The following MYNN variants were observed in gnomAD, a reference collection of about 807,000 sequenced individuals.
The protein encoded by MYNN is myoneurin, also known as zinc finger and BTB domain-containing protein 31.
MYNN carries 22 observed loss-of-function variants against 57.2 expected under a neutral mutation model. The observed-to-expected ratio is 0.38, with a 90% confidence interval of 0.27 to 0.55. MYNN has a LOEUF of 0.55. Among genes scored for constraint, MYNN ranks in the 20% least tolerant of loss-of-function variants. The pLI, the probability that MYNN is intolerant of heterozygous loss-of-function variation, is 0.71. For synonymous variants in MYNN, 241 were observed against 257.1 expected, an observed-to-expected ratio of 0.94 and a Z score of 0.60; for missense variants, 566 against 723.1, an observed-to-expected ratio of 0.78 and a Z score of 2.49.
At chr3:169,780,857 C>T (rs1358748381) in intron 4 of MYNN, 108 bp downstream of exon 4, 1 of 987,770 alleles carries the variant, frequency 1.0e-6, no homozygotes, top group African/African-American at 1.7e-5. Flanking sequence ...ATTGTGGTTC[C>T]ACCAAACAAT....
intron 7 of MYNN, among the ~76,000 whole-genome samples, chr3:169,785,070 AG>A (rs71300477): frequency 0.063 from 6,331 of 100,634 alleles, 253 homozygotes; most frequent in African/African-American, 0.14. Flanking sequence ...ATGAAAAAAA[AG>A]GGGGGGGGGG....
At chr3:169,784,589 T>C in intron 6 of MYNN, 33 bp from the exon 7 acceptor site, 1 of 1,377,116 alleles carries the variant, frequency 7.3e-7, no homozygotes, top group East Asian at 2.4e-5. Flanking sequence ...GCTTTTAAAA[T>C]ATTGAAATTT....
At chr3:169,775,939 G>C (rs1778326910) in intron 2 of MYNN, among the ~76,000 whole-genome samples, 2 of 152,002 alleles carry the variant, frequency 1.3e-5, no homozygotes, top group East Asian at 1.9e-4. Context: ...AGTATCCAGT[G>C]GGGGGAGGGG....
intron 2 of MYNN, among the ~76,000 whole-genome samples, chr3:169,776,694 ATTTTTTTTTTT>A (rs10681957): frequency 1.9e-5 from 2 of 105,628 alleles, no homozygotes; most frequent in Non-Finnish European, 3.6e-5. Context: ...TGTTGAACAA[ATTTTTTTTTTT>A]TTTTTTTTTT....
At chr3:169,773,662 G>A (rs1008460437) in intron 1 of MYNN, among the ~76,000 whole-genome samples, 200 bp downstream of exon 1, 1 of 152,240 alleles carries the variant, frequency 6.6e-6, no homozygotes, top group Non-Finnish European at 1.5e-5. Context: ...CAGGGCGGCA[G>A]AAGCCGAGGA....
intron 4 of MYNN, among the ~76,000 whole-genome samples, chr3:169,781,118 AAGT>A (rs1399739532): frequency 5.4e-5 from 8 of 147,910 alleles, no homozygotes; most frequent in Non-Finnish European, 1.0e-4. Flanking sequence ...TGAAAGAAAT[AAGT>A]AGTAGTAGAT....
intron 2 of MYNN, among the ~76,000 whole-genome samples, chr3:169,776,728 G>C (rs1395771808): frequency 8.5e-6 from 1 of 116,992 alleles, no homozygotes; most frequent in Non-Finnish European, 1.7e-5. Flanking sequence ...TTTTGAGATG[G>C]AGTCTCACTC....
chr3:169,776,201 G>A (rs1778336627), intron 2 of MYNN, among the ~76,000 whole-genome samples: 1 of 152,220 alleles, frequency 6.6e-6, no homozygotes, highest in Non-Finnish European at 1.5e-5. Context: ...ACAGCCAGGT[G>A]TTTTGTTCAG....
At chr3:169,775,585 A>G (rs1416584457) in intron 2 of MYNN, among the ~76,000 whole-genome samples, 1 of 152,180 alleles carries the variant, frequency 6.6e-6, no homozygotes, top group East Asian at 1.9e-4. Context: ...TTGAGGCTAA[A>G]TAAGGTTTTA....
At chr3:169,778,291 T>A (rs1347293186) in intron 2 of MYNN, 1 of 154,830 alleles carries the variant, frequency 6.5e-6, no homozygotes, top group African/African-American at 2.4e-5. Flanking sequence ...GATTCCCGGG[T>A]GATTCACATG....
At position 169,788,891 on chromosome 3, in the gene MYNN, T is replaced by A. The variant is rs532731282; in HGVS notation, c.*2213T>A. ...TATTATTTATCATAATATGCATATATTTAGTTGTATCTGGTATCATTCTAA... is the reference window on the plus strand; with the variant it reads ...TATTATTTATCATAATATGCATATAATTAGTTGTATCTGGTATCATTCTAA... On this transcript the variant is annotated 3_prime_UTR_variant, in exon 8 of 8. Coordinates refer to ENST00000349841, the MANE Select transcript of MYNN (RefSeq NM_018657.5). 1.3e-5 allele frequency: 2 copies of A among 152,168 alleles called. No homozygotes were observed. Among genetic ancestry groups the A allele is most frequent in the African/African-American group, 4.8e-5 (2 of 41,454 alleles). The allele number at this position is 152,168 out of a possible 1,614,324, so 9.4% of individuals were successfully genotyped here. A position where few individuals can be genotyped will look rare whatever the true frequency, so the allele number is the denominator to read the frequency against.
At chr3:169,773,934 TA>T in intron 1 of MYNN, 1 of 214,050 alleles carries the variant, frequency 4.7e-6, no homozygotes, top group Non-Finnish European at 9.5e-6. Flanking sequence ...CTTAGTGGTT[TA>T]AAAAATTTTT....
chr3:169,789,138 G>T lies in MYNN; in HGVS notation c.*2460G>T, dbSNP rs1453624313. 2.0e-5 allele frequency: 3 copies of T among 152,078 alleles called. No individual in the cohort carries two copies. Among genetic ancestry groups the T allele is most frequent in the African/African-American group, 4.8e-5 (2 of 41,428 alleles). The allele number at this position is 152,078 out of a possible 1,614,324, so 9.4% of individuals were successfully genotyped here. A position where few individuals can be genotyped will look rare whatever the true frequency, so the allele number is the denominator to read the frequency against. ...TGTTAGATTTTAGACTATTTTAAAA[G>T]AAACCGTAGATTATATAAAAATTTT... On this transcript the variant is annotated 3_prime_UTR_variant, in exon 8 of 8. Coordinates refer to ENST00000349841, the MANE Select transcript of MYNN (RefSeq NM_018657.5).
chr3:169,786,295 C>A, intron 7 of MYNN, 121 bp from the exon 8 acceptor site: 2 of 929,340 alleles, frequency 2.2e-6, no homozygotes, highest in Non-Finnish European at 3.2e-6. Context: ...AAAGAGAAAC[C>A]GCTTGAGTAA....
intron 2 of MYNN, 43 bp downstream of exon 2, chr3:169,774,604 A>C (rs1778273309): frequency 6.5e-7 from 1 of 1,536,622 alleles, no homozygotes; most frequent in Non-Finnish European, 8.9e-7. Context: ...GCTAGTCAGT[A>C]GTCTTCACAG....
Position 169,787,684 on chromosome 3 carries a change from A to G in MYNN, c.*1006A>G, listed in dbSNP as rs1004643001. The G allele has an allele frequency of 3.9e-5, 6 of 152,142 alleles. No homozygotes were observed. The South Asian group carries it at 1.2e-3, about 31-fold the overall frequency. 9.4% of individuals were successfully genotyped at this position (152,142 alleles called of 1,614,324 possible). On this transcript the variant is annotated 3_prime_UTR_variant, in exon 8 of 8. Transcript: ENST00000349841. ...ATTTTGAGTTACCAGAAAGCCAACT[A>G]TAGTTAAATATTTTATATCTGAGTT...
rs781641369 is a variant in MYNN, at chr3:169,774,574, T to C, written c.266+13T>C. ...TAAATCTTGACAGGTAAAGTACACATTTTATTTTCAGTTATAAAAGCTAGT... is the reference window on the plus strand; with the variant it reads ...TAAATCTTGACAGGTAAAGTACACACTTTATTTTCAGTTATAAAAGCTAGT... On this transcript the variant is annotated intron_variant, in intron 2 of 7. Coordinates refer to ENST00000349841, the MANE Select transcript of MYNN (RefSeq NM_018657.5). 6.3e-7 allele frequency: 1 copy of C among 1,599,030 alleles called. No individual in the cohort carries two copies. The highest frequency in any genetic ancestry group is 1.1e-5 in the South Asian group (1 of 90,386).
Position 169,780,599 on chromosome 3 carries a change from C to A in MYNN, c.1070C>A (p.Pro357Gln). The A allele has an allele frequency of 6.3e-7, 1 of 1,595,606 alleles. No individual in the cohort carries two copies. Among genetic ancestry groups the A allele is most frequent in the Non-Finnish European group, 8.5e-7 (1 of 1,174,400 alleles). Residue 357 changes from proline to glutamine, a missense_variant, in exon 4 of 8, where the codon CCA becomes CAA. Physicochemically the swap from Pro to Gln is moderately conservative, Grantham distance 76. Coordinates refer to ENST00000349841, the MANE Select transcript of MYNN (RefSeq NM_018657.5). Reference sequence around the variant, plus strand: ...TTTATTGTTCCTTTAGGTGAGAAGCCATACAAATGTGAATTGTGTGATAAA... The same window carrying A: ...TTTATTGTTCCTTTAGGTGAGAAGCAATACAAATGTGAATTGTGTGATAAA... Reference protein sequence around the residue: ...THVRTHTGEKPYKCELCDKGF... With the variant: ...THVRTHTGEKQYKCELCDKGF...
In MYNN at chr3:169,782,333, C is replaced by A; in HGVS notation, c.1221-132C>A. 1 of 624,742 alleles carries A rather than the reference C, an allele frequency of 1.6e-6. No homozygotes were observed. The highest frequency in any genetic ancestry group is 2.6e-6 in the Non-Finnish European group (1 of 389,894). 38.7% of individuals were successfully genotyped at this position (624,742 alleles called of 1,614,324 possible). On this transcript the variant is annotated intron_variant, in intron 4 of 7. Coordinates refer to ENST00000349841, the MANE Select transcript of MYNN (RefSeq NM_018657.5). The surrounding 1 kb of genome is among the most constrained non-coding windows in gnomAD (Gnocchi z 4.8). ...TTTGGCAGTGTTTACACTGAAACAACTACTGATTTTAAATACATAGTCTTG... is the reference window on the plus strand; with the variant it reads ...TTTGGCAGTGTTTACACTGAAACAAATACTGATTTTAAATACATAGTCTTG...
Sources: gnomAD v4.1 joint callset for allele counts (sites outside exome capture counted in the v4.1 genomes callset) on GRCh38, gnomAD v4.1.1 for gene constraint, Gnocchi (gnomAD v3.1) non-coding constraint, MANE v1.5 for transcripts, NCBI Gene and HGNC (gene_info 2026-07-23, HGNC 2026-07-21) for gene names.